Variants in DIAPH2 observed in about 807,000 individuals in gnomAD.
DIAPH2 encodes protein diaphanous homolog 2.
In DIAPH2, 35 loss-of-function variants were observed where a neutral mutation model predicts 92.7. That is an observed-to-expected ratio of 0.38 (90% confidence interval 0.29 to 0.50). The LOEUF (loss-of-function observed/expected upper bound fraction) is 0.50, where lower values mean the gene tolerates loss of function less well. Among genes scored for constraint, DIAPH2 ranks in the 20% least tolerant of loss-of-function variants. DIAPH2 has a pLI of 0.94. For missense variants in DIAPH2, 701 were observed against 819.5 expected, an observed-to-expected ratio of 0.86 and a Z score of 1.77; for synonymous variants, 301 against 280.4, an observed-to-expected ratio of 1.07 and a Z score of -0.73.
intron 17 of DIAPH2, among the ~76,000 whole-genome samples, chrX:97,038,504 A>G (rs922414614): frequency 1.8e-5 from 2 of 108,211 alleles, no homozygotes; most frequent in African/African-American, 6.7e-5. Context: ...TTTGTACCAC[A>G]TCCATGCCAG....
At chrX:97,450,002 TATTGTGTG>T in intron 26 of DIAPH2, among the ~76,000 whole-genome samples, 1 of 110,374 alleles carries the variant, frequency 9.1e-6, no homozygotes, top group South Asian at 3.9e-4. Flanking sequence ...GATTGTTATG[TATTGTGTG>T]AATATCAGTT....
intron 23 of DIAPH2, among the ~76,000 whole-genome samples, chrX:97,330,796 A>G (rs2068995530): frequency 8.9e-6 from 1 of 111,895 alleles, no homozygotes; most frequent in South Asian, 3.7e-4. Flanking sequence ...TACAAGTGTG[A>G]GCCACTGCAC....
chrX:97,005,880 A>G (rs1232418814), intron 17 of DIAPH2, among the ~76,000 whole-genome samples: 1 of 106,336 alleles, frequency 9.4e-6, no homozygotes, highest in Non-Finnish European at 1.9e-5. Flanking sequence ...AGTTCATTAA[A>G]ATGCCTTGTT....
intron 25 of DIAPH2, among the ~76,000 whole-genome samples, chrX:97,419,416 C>G (rs187507210): frequency 1.0e-3 from 118 of 112,408 alleles, no homozygotes; most frequent in African/African-American, 3.3e-3. Flanking sequence ...GGCTGTGTTT[C>G]CATAAACATA....
intron 4 of DIAPH2, among the ~76,000 whole-genome samples, chrX:96,829,890 T>C (rs2064840353): frequency 9.5e-6 from 1 of 105,264 alleles, no homozygotes; most frequent in Non-Finnish European, 2.0e-5. Context: ...TTTTTCTTTT[T>C]CTTTTTTTTT....
intron 26 of DIAPH2, among the ~76,000 whole-genome samples, chrX:97,492,753 A>C (rs1381657568): frequency 8.9e-6 from 1 of 111,993 alleles, no homozygotes; most frequent in Non-Finnish European, 1.9e-5. Flanking sequence ...TTCTGCTAAG[A>C]AATCCACTGA....
At chrX:96,816,375 A>G (rs2064735157) in intron 4 of DIAPH2, among the ~76,000 whole-genome samples, 3 of 112,201 alleles carry the variant, frequency 2.7e-5, no homozygotes, top group Admixed American at 9.4e-5. Flanking sequence ...AAGGGTCACC[A>G]TCTTGCTGTT....
intron 23 of DIAPH2, among the ~76,000 whole-genome samples, chrX:97,288,647 A>G (rs1200955118): frequency 9.3e-6 from 1 of 108,025 alleles, no homozygotes; most frequent in Non-Finnish European, 1.9e-5. Flanking sequence ...AGGCTGAGGC[A>G]GGAGAATCGC....
intron 17 of DIAPH2, among the ~76,000 whole-genome samples, chrX:97,053,458 T>C (rs959499308): frequency 8.9e-6 from 1 of 111,814 alleles, no homozygotes; most frequent in African/African-American, 3.2e-5. Flanking sequence ...CATGGACATG[T>C]GACATCTCAG....
intron 4 of DIAPH2, among the ~76,000 whole-genome samples, chrX:96,773,145 AG>A (rs1262838825): frequency 1.8e-5 from 2 of 110,700 alleles, no homozygotes; most frequent in African/African-American, 6.6e-5. Context: ...TAGAGAACTG[AG>A]GCTCTTCCCC....
At chrX:97,074,470 T>TA (rs777449447) in intron 18 of DIAPH2, among the ~76,000 whole-genome samples, 1 of 112,767 alleles carries the variant, frequency 8.9e-6, no homozygotes, top group East Asian at 2.8e-4. Context: ...CTGTGTTCTT[T>TA]AAAAAATATG....
chrX:97,315,693 T>C (rs1488584454), intron 23 of DIAPH2, among the ~76,000 whole-genome samples: 1 of 109,866 alleles, frequency 9.1e-6, no homozygotes, highest in Non-Finnish European at 1.9e-5. Flanking sequence ...ACCACAGCTG[T>C]AATAGAAAGA....
rs748436753 is a variant in DIAPH2, at chrX:97,210,149, C to T, written c.2720-37566C>T. On this transcript the variant is annotated intron_variant, in intron 22 of 26. Transcript: ENST00000324765. ...CTCTAACTTTTGGAAAAACAAATTACCAGGTAGTATAAAGTGTGCAAAAGA... is the reference window on the plus strand; with the variant it reads ...CTCTAACTTTTGGAAAAACAAATTATCAGGTAGTATAAAGTGTGCAAAAGA... Among the ~76,000 whole-genome samples the T allele has an allele frequency of 6.3e-5, 7 of 111,447 alleles. No individual in the cohort carries two copies. The East Asian group carries it at 2.0e-3, about 31-fold the overall frequency.
chrX:97,005,700 C>T (rs1234141126), intron 17 of DIAPH2, among the ~76,000 whole-genome samples: 2 of 109,915 alleles, frequency 1.8e-5, no homozygotes, highest in Non-Finnish European at 3.8e-5. Flanking sequence ...CCACCTTGCC[C>T]GGCTAATTTT....
At chrX:97,166,993 T>C (rs1412558353) in intron 22 of DIAPH2, among the ~76,000 whole-genome samples, 1 of 112,465 alleles carries the variant, frequency 8.9e-6, no homozygotes, top group Non-Finnish European at 1.9e-5. Flanking sequence ...TTTCACTAAA[T>C]CTTGTGTTTC....
At chrX:96,869,557 C>CACTACTACTACTACTACTACTACTACT (rs58876338) in intron 4 of DIAPH2, among the ~76,000 whole-genome samples, 1 of 97,922 alleles carries the variant, frequency 1.0e-5, no homozygotes. Context: ...CTACTACTAC[C>CACTACTACTACTACTACTACTACTACT]ACTACTACTA....
At chrX:97,435,860 T>C (rs905034617) in intron 26 of DIAPH2, among the ~76,000 whole-genome samples, 22 of 102,342 alleles carry the variant, frequency 2.1e-4, no homozygotes, top group Non-Finnish European at 4.0e-4. Flanking sequence ...CAGGCTGGAG[T>C]GCGGTGGCGC....
intron 1 of DIAPH2, among the ~76,000 whole-genome samples, chrX:96,700,645 A>G (rs949563531): frequency 1.8e-5 from 2 of 112,252 alleles, no homozygotes; most frequent in African/African-American, 6.5e-5. Context: ...TCCTTTTTAC[A>G]GGAAAAATAA....
intron 20 of DIAPH2, among the ~76,000 whole-genome samples, chrX:97,113,360 C>A (rs1334862466): frequency 9.0e-6 from 1 of 111,189 alleles, no homozygotes; most frequent in Non-Finnish European, 1.9e-5. Context: ...GAATAGGTGG[C>A]GTGTTTTATA....
Sources: allele counts gnomAD v4.1 joint callset (sites outside exome capture counted in the v4.1 genomes callset), GRCh38; gene constraint gnomAD v4.1.1; transcripts MANE v1.5; gene names NCBI Gene and HGNC (gene_info 2026-07-23, HGNC 2026-07-21).